Variants in COL4A5 observed in about 807,000 individuals in gnomAD.
COL4A5 encodes the protein collagen type IV alpha 5 chain, also known as collagen alpha-5(IV) chain.
COL4A5 carries 26 observed loss-of-function variants against 130.2 expected under a neutral mutation model. The observed-to-expected ratio is 0.20, with a 90% CI of 0.15 to 0.28. The LOEUF (loss-of-function observed/expected upper bound fraction) is 0.28. Among genes scored for constraint, COL4A5 ranks in the 10% least tolerant of loss-of-function variants. The probability of loss-of-function intolerance (pLI) is 1.00; values close to 1 mark genes in which losing one functional copy is unlikely to be tolerated. For synonymous variants in COL4A5, 496 were observed against 439.6 expected (o/e 1.13, Z -1.60); for missense variants, 1,131 against 1,344.3 (o/e 0.84, Z 2.48).
rs1302582927 is a variant in COL4A5 at position 108,680,975 on chromosome X, G to A, written c.4087+19G>A. The A allele has an allele frequency of 8.6e-7, 1 of 1,157,013 alleles. No homozygotes were observed. Among genetic ancestry groups the A allele is most frequent in the African/African-American group, 1.8e-5 (1 of 56,726 alleles). On this transcript the variant is annotated intron_variant, in intron 46 of 52. Coordinates refer to ENST00000328300, the MANE Select transcript of COL4A5 (RefSeq NM_033380.3). ...CCTCCAGGTAAGACTTATTCCTGAA[G>A]ATAGTTATACCTGATACTTAGATGC...
intron 21 of COL4A5, 82 bp downstream of exon 21, chrX:108,591,726 AC>A (rs1234522347): frequency 1.3e-6 from 1 of 747,193 alleles, no homozygotes. Context: ...CCTCCATCAC[AC>A]CTTAGCCACT....
chrX:108,673,282 A>G (rs192973459), intron 42 of COL4A5, among the ~76,000 whole-genome samples: 386 of 111,855 alleles, frequency 3.5e-3, no homozygotes, highest in Admixed American at 5.2e-3. Flanking sequence ...TGAATTGCCC[A>G]AAGTCATATA....
chrX:108,534,193 T>C (rs997300038), intron 1 of COL4A5, among the ~76,000 whole-genome samples: 1 of 110,124 alleles, frequency 9.1e-6, no homozygotes, highest in African/African-American at 3.3e-5. Flanking sequence ...AGAAAGAAAC[T>C]AAACATAGCA....
intron 1 of COL4A5, among the ~76,000 whole-genome samples, chrX:108,480,208 A>G (rs1293141419): frequency 8.9e-6 from 1 of 112,226 alleles, no homozygotes; most frequent in Non-Finnish European, 1.9e-5. Flanking sequence ...AAATAGGCCC[A>G]CTAGGCGTTG....
intron 37 of COL4A5, among the ~76,000 whole-genome samples, chrX:108,663,584 T>G: frequency 1.8e-5 from 2 of 110,026 alleles, no homozygotes; most frequent in Middle Eastern, 4.6e-3. Context: ...TGGAGCAGGG[T>G]GTTTGGGTCA....
intron 36 of COL4A5, among the ~76,000 whole-genome samples, chrX:108,628,970 A>G (rs185766110): frequency 3.1e-3 from 343 of 111,978 alleles, no homozygotes; most frequent in Non-Finnish European, 4.3e-3. Context: ...TCTCATGATG[A>G]AAAGTAAAGC....
Position 108,452,368 on chromosome X carries a change from A to C in COL4A5, c.81+12162A>C, listed in dbSNP as rs1226419734. Reference sequence around the variant, plus strand: ...TTTTTCCAATTCTGTGAAGAAAGTCATTGGTAGCTTGATGGGGATGGCATT... The same window carrying C: ...TTTTTCCAATTCTGTGAAGAAAGTCCTTGGTAGCTTGATGGGGATGGCATT... On this transcript the variant is annotated intron_variant, in intron 1 of 52. Transcript: ENST00000328300. Among the ~76,000 whole-genome samples, 4 of 111,801 alleles carry C rather than the reference A, an allele frequency of 3.6e-5. No homozygotes were observed. In the South Asian group the frequency reaches 1.5e-3, roughly 42 times the overall value.
chrX:108,518,282 C>A (rs1158075157), intron 1 of COL4A5, among the ~76,000 whole-genome samples: 1 of 111,318 alleles, frequency 9.0e-6, no homozygotes, highest in African/African-American at 3.3e-5. Context: ...TCCAAAAGTA[C>A]TTGTAAATAA....
chrX:108,616,582 G>A (rs182546094), intron 30 of COL4A5, among the ~76,000 whole-genome samples: 6 of 111,256 alleles, frequency 5.4e-5, no homozygotes, highest in Non-Finnish European at 7.5e-5. Context: ...CACTCCTATG[G>A]TGTTTTGTCA....
At chrX:108,655,242 A>G (rs1655513929) in intron 36 of COL4A5, 89 bp from the exon 37 acceptor site, 1 of 1,069,909 alleles carries the variant, frequency 9.3e-7, no homozygotes, top group Admixed American at 2.2e-5. Flanking sequence ...TGCCTGACAT[A>G]TAATAAAAGC....
intron 43 of COL4A5, among the ~76,000 whole-genome samples, 196 bp from the exon 44 acceptor site, chrX:108,677,304 C>A (rs2147974499): frequency 8.9e-6 from 1 of 111,848 alleles, no homozygotes; most frequent in South Asian, 3.7e-4. Flanking sequence ...AAAGAGTCTG[C>A]AAATCAGTGT....
At chrX:108,665,136 A>G (rs778842155) in intron 37 of COL4A5, among the ~76,000 whole-genome samples, 50 of 112,293 alleles carry the variant, frequency 4.5e-4, no homozygotes, top group Non-Finnish European at 8.6e-4. Flanking sequence ...AGCTGGAAAT[A>G]AAACAGGTTT....
At chrX:108,670,457 T>A (rs773792524) in intron 42 of COL4A5, 8 of 250,282 alleles carry the variant, frequency 3.2e-5, no homozygotes, top group Non-Finnish European at 3.3e-5. Context: ...AATTTAACAT[T>A]TAAAAATTCA....
intron 28 of COL4A5, among the ~76,000 whole-genome samples, chrX:108,605,620 T>C (rs766385254): frequency 1.8e-5 from 2 of 112,054 alleles, no homozygotes; most frequent in African/African-American, 3.2e-5. Flanking sequence ...ACCTGCTCAA[T>C]GTAGGGTTGC....
chrX:108,623,025 T>C (rs1451873039), intron 33 of COL4A5, among the ~76,000 whole-genome samples, 200 bp downstream of exon 33: 1 of 112,325 alleles, frequency 8.9e-6, no homozygotes, highest in African/African-American at 3.2e-5. Context: ...TTCTTTATAG[T>C]TTACCTATCA....
intron 44 of COL4A5, among the ~76,000 whole-genome samples, chrX:108,680,280 T>C (rs915999330): frequency 2.7e-5 from 3 of 111,864 alleles, no homozygotes; most frequent in African/African-American, 6.5e-5. Flanking sequence ...TTACAACATC[T>C]TTCCAAGAAC....
rs1219914571 is a variant in COL4A5, at chrX:108,596,983, G to T, written c.1517-15G>T. The T allele has an allele frequency of 5.2e-6, 6 of 1,162,923 alleles. No individual in the cohort carries two copies. The highest frequency in any genetic ancestry group is 6.9e-6 in the Non-Finnish European group (6 of 866,681). On this transcript the variant is annotated splice_polypyrimidine_tract_variant and intron_variant, in intron 22 of 52. Transcript: ENST00000328300. ...ATTGTGTGTGTGTGTGTTTGTTTGT[G>T]TGTGTGTGTGTTAGGATCTCTTGGT...
intron 47 of COL4A5, among the ~76,000 whole-genome samples, chrX:108,685,127 A>G (rs1485590852): frequency 2.7e-5 from 3 of 112,442 alleles, no homozygotes; most frequent in Non-Finnish European, 3.8e-5. Flanking sequence ...GCTATTTATG[A>G]CAAACCCACA....
chrX:108,675,422 G>A (rs781111518), intron 43 of COL4A5, among the ~76,000 whole-genome samples: 1 of 111,504 alleles, frequency 9.0e-6, no homozygotes, highest in African/African-American at 3.3e-5. Context: ...TTGATTCACA[G>A]TTTATTTATT....
Sources: allele counts gnomAD v4.1 joint callset (sites outside exome capture counted in the v4.1 genomes callset), GRCh38; gene constraint gnomAD v4.1.1; transcripts MANE v1.5; gene names NCBI Gene and HGNC (gene_info 2026-07-23, HGNC 2026-07-21).